EHD2: variants seen among roughly 807,000 people sequenced by gnomAD.
EHD2 encodes EH domain containing 2.
In EHD2, 27 loss-of-function variants were observed where a neutral mutation model predicts 41.0. The observed-to-expected ratio is 0.66, with a 90% CI of 0.49 to 0.91. EHD2 has a LOEUF of 0.91. Among genes scored for constraint, EHD2 ranks in the 40% least tolerant of loss-of-function variants. EHD2 has a pLI of 0.00. For synonymous variants in EHD2, 342 were observed against 341.0 expected (o/e 1.00, Z -0.03); for missense variants, 673 against 773.9 (o/e 0.87, Z 1.55).
chr19:47,715,564 G>A (rs1198110804), intron 1 of EHD2, among the ~76,000 whole-genome samples: 1 of 152,122 alleles, frequency 6.6e-6, no homozygotes, highest in East Asian at 1.9e-4. Context: ...CACAGTGCCT[G>A]AAGCATGGAG....
chr19:47,725,396 CAAAAAAA>C (rs10676405), intron 3 of EHD2, among the ~76,000 whole-genome samples: 10 of 74,268 alleles, frequency 1.3e-4, no homozygotes, highest in African/African-American at 5.4e-4. Context: ...CATCTCTACT[CAAAAAAA>C]AAAAAAAAAA....
rs1327113393 is a variant in EHD2 at position 47,726,223 on chromosome 19, G to A, written c.914G>A (p.Arg305Gln). The stretch of plus-strand genomic sequence containing the variant: ...CTGGTGAAGAGGGCCCGGCTGGTGC[G>A]AGTGAGTAGTCCTGAGGGCTGGGCG... ...NDLVKRARLV[R>Q]VHAYIISYLK... Residue 305 changes from arginine to glutamine, a missense_variant and splice_region_variant, in exon 4 of 6, where the codon CGA (arginine) becomes CAA (glutamine). Transcript: ENST00000263277. 6.6e-7 allele frequency: 1 copy of A among 1,504,608 alleles called. No homozygotes were observed. Among genetic ancestry groups the A allele is most frequent in the Non-Finnish European group, 8.9e-7 (1 of 1,125,006 alleles). The allele number at this position is 1,504,608 out of a possible 1,614,324, so 93.2% of individuals were successfully genotyped here.
At chr19:47,726,493 C>CTCT (rs1023137233) in intron 4 of EHD2, among the ~76,000 whole-genome samples, 2 of 151,116 alleles carry the variant, frequency 1.3e-5, no homozygotes, top group South Asian at 2.1e-4. Context: ...CCTCCTCCTT[C>CTCT]TCTTCTTCTT....
chr19:47,731,312 A>ATATAT (rs1308890435), intron 4 of EHD2: 1 of 121,110 alleles, frequency 8.3e-6, no homozygotes, highest in African/African-American at 2.7e-5. Context: ...ACATATATAT[A>ATATAT]TAATTTTTTT....
rs553547501 is a variant in EHD2 at position 47,725,828 on chromosome 19, C to T, written c.519C>T (p.Ala173=). The change falls in exon 4 of 6, where the codon GCC becomes GCT. Residue 173 remains alanine, a synonymous_variant. Transcript: ENST00000263277. ...QRVSRGYDFP[A]VLRWFAERVD... is the part of the protein sequence containing the mutation. ...CCACTCCAGGCTACGACTTCCCGGC[C>T]GTGCTGCGCTGGTTCGCGGAGCGCG... The T allele has an allele frequency of 1.3e-6, 2 of 1,584,918 alleles. No homozygotes were observed. The highest frequency in any genetic ancestry group is 1.1e-5 in the South Asian group (1 of 88,880).
rs567559501 is a variant in EHD2, at chr19:47,718,853, AG to A, written c.502+249del. The stretch of plus-strand genomic sequence containing the variant: ...GGGCCTGGACTCCTGGGTCTGAGGG[AG>A]GAGGGACTGGGGTCTGGACTCCTGG... On this transcript the variant is annotated intron_variant, in intron 3 of 5. Coordinates refer to ENST00000263277, the MANE Select transcript of EHD2 (RefSeq NM_014601.4). Among the ~76,000 whole-genome samples the A allele has an allele frequency of 2.7e-4, 29 of 107,644 alleles. 1 individual carries two copies. In the South Asian group the frequency reaches 5.3e-3, roughly 20 times the overall value. 70.6% of individuals were successfully genotyped at this position (107,644 alleles called of 152,430 possible). A position where few individuals can be genotyped will look rare whatever the true frequency, so the allele number is the denominator to read the frequency against.
chr19:47,727,994 G>A (rs1973769292), intron 4 of EHD2, among the ~76,000 whole-genome samples: 1 of 151,142 alleles, frequency 6.6e-6, no homozygotes, highest in South Asian at 2.1e-4. Flanking sequence ...TACTTGGGAG[G>A]CTGAGGCATG....
chr19:47,721,164 GGTGTGTGT>G (rs60140753), intron 3 of EHD2, among the ~76,000 whole-genome samples: 1,256 of 57,144 alleles, frequency 0.022, 15 homozygotes, highest in African/African-American at 0.1. Flanking sequence ...TGCTACTGGG[GGTGTGTGT>G]GTGTGTGTGT....
intron 5 of EHD2, among the ~76,000 whole-genome samples, chr19:47,738,687 A>T (rs1966950406): frequency 6.6e-6 from 1 of 152,348 alleles, no homozygotes; most frequent in Non-Finnish European, 1.5e-5. Flanking sequence ...CTGCACATGC[A>T]ACCTGTGCTT....
chr19:47,721,968 G>A (rs1973700849), intron 3 of EHD2, among the ~76,000 whole-genome samples: 1 of 151,630 alleles, frequency 6.6e-6, no homozygotes, highest in African/African-American at 2.4e-5. Context: ...CTGGGCGATA[G>A]AGTGAGACTT....
chr19:47,728,242 C>T lies in EHD2; in HGVS notation c.915+2018C>T, dbSNP rs572028670. On this transcript the variant is annotated intron_variant, in intron 4 of 5. Coordinates refer to ENST00000263277, the MANE Select transcript of EHD2 (RefSeq NM_014601.4). ...TCCTCATCTCCCATTCCCTTCCCAG[C>T]GTCCCCTGCACTTCACGCTGGTGGC... 4.6e-5 allele frequency among the ~76,000 whole-genome samples: 7 copies of T among 152,218 alleles called. No individual in the cohort carries two copies. In the South Asian group the frequency reaches 8.3e-4, roughly 18 times the overall value.
intron 2 of EHD2, among the ~76,000 whole-genome samples, chr19:47,718,100 C>A (rs1351639204): frequency 6.6e-6 from 1 of 150,864 alleles, no homozygotes; most frequent in African/African-American, 2.4e-5. Flanking sequence ...TGGTGAAACC[C>A]CGTCTCTACT....
Position 47,716,811 on chromosome 19 carries a change from T to C in EHD2, c.199T>C (p.Tyr67His), listed in dbSNP as rs1396173937. 2 of 1,610,618 alleles carry C rather than the reference T, an allele frequency of 1.2e-6. No homozygotes were observed. The highest frequency in any genetic ancestry group is 4.5e-5 in the East Asian group (2 of 44,858). ...GKPMVLVAGQ[Y>H]STGKTSFIQY... is the part of the protein sequence containing the mutation. ...GCCCATGGTGCTGGTGGCCGGCCAG[T>C]ACAGCACGGGCAAGACCAGCTTCAT... Residue 67 changes from tyrosine to histidine, a missense_variant, in exon 2 of 6, where the codon TAC (tyrosine) becomes CAC (histidine). Physicochemically the swap from Tyr to His is moderately conservative, Grantham distance 83. Transcript: ENST00000263277.
intron 4 of EHD2, chr19:47,726,445 C>T: frequency 2.3e-6 from 1 of 441,312 alleles, no homozygotes; most frequent in Non-Finnish European, 3.9e-6. Flanking sequence ...CCTGGCTTCT[C>T]TGTCCTGGTA....
intron 4 of EHD2, among the ~76,000 whole-genome samples, chr19:47,731,016 T>A (rs1973801432): frequency 6.6e-6 from 1 of 151,378 alleles, no homozygotes; most frequent in Non-Finnish European, 1.5e-5. Context: ...GGCGAGGGAC[T>A]ATTTTAGAGC....
rs184040593 is a variant in EHD2 at position 47,728,797 on chromosome 19, C to T, written c.915+2573C>T. On this transcript the variant is annotated intron_variant, in intron 4 of 5. Coordinates refer to ENST00000263277, the MANE Select transcript of EHD2 (RefSeq NM_014601.4). The stretch of plus-strand genomic sequence containing the variant: ...ATTGGTCAGGCTGGTCTCGAACTCC[C>T]GACCTCAGGTGATCCGCCCGCCTTG... Among the ~76,000 whole-genome samples, 411 of 152,156 alleles carry T rather than the reference C, an allele frequency of 2.7e-3. 5 individuals carry two copies. Among genetic ancestry groups the T allele is most frequent in the Middle Eastern group, 0.014 (4 of 294 alleles).
chr19:47,725,461 A>G (rs911106599), intron 3 of EHD2, among the ~76,000 whole-genome samples: 13 of 151,078 alleles, frequency 8.6e-5, no homozygotes, highest in Admixed American at 2.0e-4. Context: ...CCCAGCTACT[A>G]GGGAGGCTGA....
At chr19:47,733,470 G>A (rs901173840) in intron 4 of EHD2, among the ~76,000 whole-genome samples, 2 of 151,742 alleles carry the variant, frequency 1.3e-5, no homozygotes, top group African/African-American at 4.8e-5. Flanking sequence ...TCAAGAGATC[G>A]AGACCATCCT....
At chr19:47,714,014 C>T (rs1973600731) in intron 1 of EHD2, among the ~76,000 whole-genome samples, 1 of 152,140 alleles carries the variant, frequency 6.6e-6, no homozygotes, top group Non-Finnish European at 1.5e-5. Flanking sequence ...CTGCCCACAT[C>T]CCAGATCCTG....
Sources: allele counts gnomAD v4.1 joint callset (sites outside exome capture counted in the v4.1 genomes callset), GRCh38; gene constraint gnomAD v4.1.1; transcripts MANE v1.5; gene names NCBI Gene and HGNC (gene_info 2026-07-23, HGNC 2026-07-21).